The following PAPPA2 variants were observed in gnomAD, a reference collection of about 807,000 sequenced individuals.
The protein encoded by PAPPA2 is pappalysin 2.
Under a neutral mutation model 176.4 loss-of-function variants are expected in PAPPA2, and 86 were observed. The ratio of observed to expected loss-of-function variants is 0.49; its 90% CI spans 0.41 to 0.58. PAPPA2 has a LOEUF of 0.58. PAPPA2 is among the 20% of genes least tolerant of loss of function. PAPPA2 has a pLI of 0.00. For missense variants in PAPPA2, 2,073 were observed against 2,256.9 expected (o/e 0.92, Z 1.65); for synonymous variants, 809 against 852.2 (o/e 0.95, Z 0.88).
At chr1:176,492,386 T>A (rs1647339395) in intron 1 of PAPPA2, among the ~76,000 whole-genome samples, 1 of 152,258 alleles carries the variant, frequency 6.6e-6, no homozygotes, top group African/African-American at 2.4e-5. Flanking sequence ...TTGATGTTGA[T>A]GATATTCTGA....
At chr1:176,488,645 C>T (rs567708797) in intron 1 of PAPPA2, among the ~76,000 whole-genome samples, 1 of 152,222 alleles carries the variant, frequency 6.6e-6, no homozygotes, top group South Asian at 2.1e-4. Flanking sequence ...TAGCAAACAG[C>T]GAGCACTTTG....
chr1:176,574,858 C>T (rs1329805672), intron 2 of PAPPA2, among the ~76,000 whole-genome samples: 1 of 152,100 alleles, frequency 6.6e-6, no homozygotes, highest in Non-Finnish European at 1.5e-5. Flanking sequence ...ACACAAATAC[C>T]ATTTGTTTTA....
At chr1:176,658,218 T>G (rs1220971978) in intron 3 of PAPPA2, among the ~76,000 whole-genome samples, 1 of 151,916 alleles carries the variant, frequency 6.6e-6, no homozygotes, top group Non-Finnish European at 1.5e-5. Context: ...TTCTTTATTG[T>G]GTAATAAAGG....
At position 176,765,743 on chromosome 1, in the gene PAPPA2, C is replaced by G; in HGVS notation, c.4229C>G (p.Thr1410Ser). 6.2e-7 allele frequency: 1 copy of G among 1,614,038 alleles called. No homozygotes were observed. Among genetic ancestry groups the G allele is most frequent in the Non-Finnish European group, 8.5e-7 (1 of 1,180,026 alleles). ...LLDHADVVNCTSIGPGLMKCA... is the reference protein window; with the variant it reads ...LLDHADVVNCSSIGPGLMKCA... ...GATCATGCTGATGTGGTGAACTGTACCTCTATAGGCCCAGGTCTCATGAAG... is the reference window on the plus strand; with the variant it reads ...GATCATGCTGATGTGGTGAACTGTAGCTCTATAGGCCCAGGTCTCATGAAG... Residue 1410 changes from threonine to serine, a missense_variant, in exon 15 of 23, where the codon ACC becomes AGC. Transcript: ENST00000367662.
chr1:176,516,738 C>T lies in PAPPA2; in HGVS notation c.-916-38669C>T, dbSNP rs116294563. Among the ~76,000 whole-genome samples, 853 of 152,276 alleles carry T rather than the reference C, an allele frequency of 5.6e-3. 7 individuals carry two copies. The highest frequency in any genetic ancestry group is 0.019 in the African/African-American group (783 of 41,562). On this transcript the variant is annotated intron_variant, in intron 1 of 22. Coordinates refer to ENST00000367662, the MANE Select transcript of PAPPA2 (RefSeq NM_020318.3). ...AAAACTATAAGAAAGTCCAGAACTA[C>T]GAGAAATAAGTTTCTGTTGTTTTCA...
chr1:176,582,436 G>T (rs1267962609), intron 2 of PAPPA2, among the ~76,000 whole-genome samples: 2 of 152,132 alleles, frequency 1.3e-5, no homozygotes, highest in Admixed American at 1.3e-4. Context: ...TGTTCAGTAC[G>T]ATATTAGCGG....
At chr1:176,545,417 A>T (rs1650579689) in intron 1 of PAPPA2, among the ~76,000 whole-genome samples, 1 of 91,130 alleles carries the variant, frequency 1.1e-5, no homozygotes, top group Non-Finnish European at 2.3e-5. Flanking sequence ...CCTCAGAAAA[A>T]ATAAATAAAT....
intron 3 of PAPPA2, among the ~76,000 whole-genome samples, chr1:176,645,908 C>G (rs1342891338): frequency 6.6e-6 from 1 of 151,348 alleles, no homozygotes; most frequent in African/African-American, 2.4e-5. Flanking sequence ...AGGTTTATTC[C>G]GGTTTTTTGC....
chr1:176,578,937 T>C (rs993751707), intron 2 of PAPPA2, among the ~76,000 whole-genome samples: 2 of 152,200 alleles, frequency 1.3e-5, no homozygotes, highest in Non-Finnish European at 2.9e-5. Flanking sequence ...GACAGGTGGA[T>C]TTCTGACAGT....
At chr1:176,789,503 G>C (rs1037048751) in intron 17 of PAPPA2, among the ~76,000 whole-genome samples, 6 of 151,970 alleles carry the variant, frequency 3.9e-5, no homozygotes, top group Non-Finnish European at 5.9e-5. Flanking sequence ...GTATACCTAT[G>C]TAACAAACCT....
At chr1:176,631,680 G>A (rs1056737375) in intron 3 of PAPPA2, among the ~76,000 whole-genome samples, 2 of 152,180 alleles carry the variant, frequency 1.3e-5, no homozygotes, top group East Asian at 1.9e-4. Context: ...AGAAATTTTA[G>A]TGATAAGGAG....
intron 2 of PAPPA2, among the ~76,000 whole-genome samples, chr1:176,558,283 TAA>T (rs1651447070): frequency 6.6e-6 from 1 of 152,184 alleles, no homozygotes; most frequent in Admixed American, 6.5e-5. Context: ...ACTGAGGCAA[TAA>T]AAGGCATGCC....
At chr1:176,489,738 C>G (rs1010585543) in intron 1 of PAPPA2, among the ~76,000 whole-genome samples, 1 of 152,176 alleles carries the variant, frequency 6.6e-6, no homozygotes, top group Non-Finnish European at 1.5e-5. Context: ...AAAAATTGGA[C>G]AAGCTCAGGT....
chr1:176,525,994 G>A (rs1486137862), intron 1 of PAPPA2, among the ~76,000 whole-genome samples: 1 of 152,148 alleles, frequency 6.6e-6, no homozygotes, highest in African/African-American at 2.4e-5. Context: ...GCTTATGGAG[G>A]TTATAAAAGC....
chr1:176,570,561 A>G (rs1652263727), intron 2 of PAPPA2, among the ~76,000 whole-genome samples: 1 of 152,024 alleles, frequency 6.6e-6, no homozygotes, highest in Admixed American at 6.5e-5. Flanking sequence ...GAATATTCTT[A>G]TAATCCTTAT....
At chr1:176,716,602 C>CTTTTTTTTTT (rs71299410) in intron 12 of PAPPA2, among the ~76,000 whole-genome samples, 85 of 114,830 alleles carry the variant, frequency 7.4e-4, no homozygotes, top group African/African-American at 1.5e-3. Flanking sequence ...TTCCTTCCTT[C>CTTTTTTTTTT]TTTTTTTTTT....
intron 14 of PAPPA2, among the ~76,000 whole-genome samples, chr1:176,742,777 A>G (rs1662743240): frequency 6.6e-6 from 1 of 152,186 alleles, no homozygotes; most frequent in Non-Finnish European, 1.5e-5. Flanking sequence ...AAACCCTCAA[A>G]TTCTGGGCAT....
chr1:176,719,450 G>C (rs926823567), intron 12 of PAPPA2, among the ~76,000 whole-genome samples: 3 of 152,154 alleles, frequency 2.0e-5, no homozygotes, highest in Non-Finnish European at 4.4e-5. Context: ...TCTTCTGTGT[G>C]TTGATGAATT....
intron 21 of PAPPA2, among the ~76,000 whole-genome samples, chr1:176,835,371 A>C (rs1449993057): frequency 6.6e-6 from 1 of 152,216 alleles, no homozygotes; most frequent in African/African-American, 2.4e-5. Flanking sequence ...GTGTTCAAAA[A>C]AATCTCTTCA....
Sources: gnomAD v4.1 joint callset for allele counts (sites outside exome capture counted in the v4.1 genomes callset) on GRCh38, gnomAD v4.1.1 for gene constraint, MANE v1.5 for transcripts, NCBI Gene and HGNC (gene_info 2026-07-23, HGNC 2026-07-21) for gene names.